TMEM178B: variants seen among roughly 807,000 people sequenced by gnomAD.
TMEM178B encodes transmembrane protein 178B.
A neutral mutation model predicts 31.0 loss-of-function variants in TMEM178B; 5 were observed. The ratio of observed to expected loss-of-function variants is 0.16; its 90% CI spans 0.08 to 0.34. TMEM178B has a LOEUF of 0.34. Ranked by LOEUF, TMEM178B falls within the 10% of genes least tolerant of loss-of-function variation. TMEM178B has a pLI of 1.00. For synonymous variants in TMEM178B, 164 were observed against 164.0 expected (o/e 1.00, Z 0.00); for missense variants, 275 against 400.3 (o/e 0.69, Z 2.67).
chr7:141,313,642 A>T (rs1302913297), intron 2 of TMEM178B, among the ~76,000 whole-genome samples: 3 of 152,142 alleles, frequency 2.0e-5, no homozygotes, highest in Admixed American at 6.6e-5. Context: ...GCCCTTGGCT[A>T]AACGCTTTGC....
intron 1 of TMEM178B, among the ~76,000 whole-genome samples, chr7:141,156,801 C>G (rs1796078168): frequency 6.6e-6 from 1 of 152,300 alleles, no homozygotes; most frequent in African/African-American, 2.4e-5. Context: ...GGTGAAAAAG[C>G]TGTGGATTAG....
At chr7:141,316,047 G>T (rs1311030718) in intron 2 of TMEM178B, among the ~76,000 whole-genome samples, 4 of 152,156 alleles carry the variant, frequency 2.6e-5, no homozygotes, top group Non-Finnish European at 2.9e-5. Flanking sequence ...TGATGAGCCT[G>T]TGAGAGTGAT....
intron 2 of TMEM178B, among the ~76,000 whole-genome samples, chr7:141,323,543 C>G (rs1484479085): frequency 1.3e-5 from 2 of 152,096 alleles, no homozygotes; most frequent in South Asian, 2.1e-4. Flanking sequence ...TAACCATTTT[C>G]TTGTTTATAG....
At chr7:141,092,173 C>A (rs1392919643) in intron 1 of TMEM178B, among the ~76,000 whole-genome samples, 1 of 152,026 alleles carries the variant, frequency 6.6e-6, no homozygotes, top group African/African-American at 2.4e-5. Context: ...TCAAATATTT[C>A]TTGATTATAG....
intron 2 of TMEM178B, among the ~76,000 whole-genome samples, chr7:141,271,154 G>A (rs1271898707): frequency 1.3e-5 from 2 of 152,218 alleles, no homozygotes; most frequent in Non-Finnish European, 2.9e-5. Context: ...GGTGAGACAT[G>A]CAGCTGTATC....
intron 1 of TMEM178B, among the ~76,000 whole-genome samples, chr7:141,130,684 A>T (rs551588532): frequency 4.9e-4 from 74 of 152,142 alleles, no homozygotes; most frequent in Non-Finnish European, 8.4e-4. Context: ...TGTTTTTCTT[A>T]TAAGAGAGGA....
rs984276620 is a variant in TMEM178B at position 141,090,645 on chromosome 7, A to G, written c.382+15953A>G. Among the ~76,000 whole-genome samples the G allele has an allele frequency of 3.9e-5, 6 of 152,200 alleles. No individual in the cohort carries two copies. In the South Asian group the frequency reaches 6.2e-4, roughly 16 times the overall value. On this transcript the variant is annotated intron_variant, in intron 1 of 3. Coordinates refer to ENST00000565468, the MANE Select transcript of TMEM178B (RefSeq NM_001195278.2). Reference sequence around the variant, plus strand: ...AATGAGTGGGTCAGTGATGTTGGGAAAACATGGTGGGTATCTGCCTCTGAT... The same window carrying G: ...AATGAGTGGGTCAGTGATGTTGGGAGAACATGGTGGGTATCTGCCTCTGAT...
At position 141,199,981 on chromosome 7, in the gene TMEM178B, G is replaced by A. The variant is rs540551952; in HGVS notation, c.383-12610G>A. Reference sequence around the variant, plus strand: ...CACAAGAATGGTGTGAACCCAGGAGGCGGAGCTTGCAGTGAGCTGAGATAG... The same window carrying A: ...CACAAGAATGGTGTGAACCCAGGAGACGGAGCTTGCAGTGAGCTGAGATAG... On this transcript the variant is annotated intron_variant, in intron 1 of 3. Transcript: ENST00000565468. 1.2e-4 allele frequency among the ~76,000 whole-genome samples: 19 copies of A among 152,156 alleles called. No individual in the cohort carries two copies. In the East Asian group the frequency reaches 2.5e-3, roughly 20 times the overall value.
At chr7:141,510,884 G>T in the TMEM178B span, among the ~76,000 whole-genome samples, 1 of 151,954 alleles carries the variant, frequency 6.6e-6, no homozygotes, top group Non-Finnish European at 1.5e-5. Context: ...GAGCCACAAA[G>T]AAGGGTGACA....
At chr7:141,339,247 A>T (rs1356793346) in intron 2 of TMEM178B, among the ~76,000 whole-genome samples, 2 of 152,002 alleles carry the variant, frequency 1.3e-5, no homozygotes, top group East Asian at 3.9e-4. Context: ...GCAGGTGGGG[A>T]GTGATCGTTT....
intron 1 of TMEM178B, among the ~76,000 whole-genome samples, chr7:141,075,909 T>A (rs1794593453): frequency 6.6e-6 from 1 of 152,112 alleles, no homozygotes. Flanking sequence ...TCAGAAAAAA[T>A]TGTTAATTTG....
chr7:141,496,066 TTGGACCTG>T, the TMEM178B span, among the ~76,000 whole-genome samples: 3 of 152,166 alleles, frequency 2.0e-5, no homozygotes, highest in Non-Finnish European at 4.4e-5. Context: ...CAGCACTTCC[TTGGACCTG>T]TGGGCCCCAG....
rs532084097 is a variant in TMEM178B at position 141,241,361 on chromosome 7, G to A, written c.496+28657G>A. 2.6e-5 allele frequency among the ~76,000 whole-genome samples: 4 copies of A among 152,114 alleles called. No homozygotes were observed. The South Asian group carries it at 8.3e-4, about 32-fold the overall frequency. On this transcript the variant is annotated intron_variant, in intron 2 of 3. Transcript: ENST00000565468. ...AATCCCAGCACTTTGGGAGGCTGAG[G>A]TGGGCGGATCACCTGAGGTCAGGAG...
At chr7:141,419,094 G>A (rs1263457720) in intron 2 of TMEM178B, among the ~76,000 whole-genome samples, 1 of 152,080 alleles carries the variant, frequency 6.6e-6, no homozygotes, top group African/African-American at 2.4e-5. Context: ...ATTTTTAGTA[G>A]AGATGGGATT....
intron 2 of TMEM178B, among the ~76,000 whole-genome samples, chr7:141,316,186 G>A (rs1183337120): frequency 6.6e-6 from 1 of 152,180 alleles, no homozygotes; most frequent in Non-Finnish European, 1.5e-5. Context: ...TTGCATTGAA[G>A]GATATTAAAG....
At chr7:141,363,985 GA>G (rs905727396) in intron 2 of TMEM178B, among the ~76,000 whole-genome samples, 6 of 147,564 alleles carry the variant, frequency 4.1e-5, no homozygotes, top group Admixed American at 2.0e-4. Flanking sequence ...ATTTAAAATT[GA>G]AAAAAAAATA....
At chr7:141,463,511 G>A (rs982407460) in intron 3 of TMEM178B, among the ~76,000 whole-genome samples, 1 of 152,166 alleles carries the variant, frequency 6.6e-6, no homozygotes. Context: ...AGCTATTCTG[G>A]CCAAATAGAA....
chr7:141,182,416 G>C (rs1429090263), intron 1 of TMEM178B, among the ~76,000 whole-genome samples: 1 of 152,182 alleles, frequency 6.6e-6, no homozygotes. Context: ...GGTCATCCCT[G>C]TATTGTATAT....
intron 1 of TMEM178B, among the ~76,000 whole-genome samples, chr7:141,131,769 A>G (rs770910725): frequency 6.6e-6 from 1 of 152,156 alleles, no homozygotes; most frequent in Non-Finnish European, 1.5e-5. Flanking sequence ...ACATTTTTGT[A>G]TAAGTCTTTT....
Sources: gnomAD v4.1 joint callset for allele counts (sites outside exome capture counted in the v4.1 genomes callset) on GRCh38, gnomAD v4.1.1 for gene constraint, MANE v1.5 for transcripts, NCBI Gene and HGNC (gene_info 2026-07-23, HGNC 2026-07-21) for gene names.